Variants in PNPLA6 observed in about 807,000 individuals in gnomAD.
PNPLA6 encodes the protein patatin-like phospholipase domain-containing protein 6.
A neutral mutation model predicts 153.7 loss-of-function variants in PNPLA6; 105 were observed. That is an observed-to-expected ratio of 0.68 (90% CI 0.58 to 0.80). The LOEUF is 0.80. Ranked by LOEUF, PNPLA6 falls within the 30% of genes least tolerant of loss-of-function variation. The probability of loss-of-function intolerance (pLI) is 0.00; values close to 1 mark genes in which losing one functional copy is unlikely to be tolerated. For synonymous variants in PNPLA6, 825 were observed against 822.2 expected, an observed-to-expected ratio of 1.00 and a Z score of -0.06; for missense variants, 1,423 against 1,919.3, an observed-to-expected ratio of 0.74 and a Z score of 4.83.
intron 28 of PNPLA6, among the ~76,000 whole-genome samples, chr19:7,559,590 G>A (rs1419256338): frequency 6.6e-6 from 1 of 152,080 alleles, no homozygotes; most frequent in Non-Finnish European, 1.5e-5. Flanking sequence ...TGTAATCCCA[G>A]CACCTTGGGA....
upstream of PNPLA6, chr19:7,535,654 C>G (rs114286667): frequency 3.2e-3 from 4,927 of 1,551,408 alleles, 140 homozygotes; most frequent in African/African-American, 0.058. This position sits in a 1 kb window ranked among gnomAD's most constrained non-coding sequence, Gnocchi z 5.0. Flanking sequence ...GTGCTCAGCG[C>G]GCATTACGTG....
At chr19:7,545,901 C>A (rs1425041310) in intron 13 of PNPLA6, among the ~76,000 whole-genome samples, 2 of 134,312 alleles carry the variant, frequency 1.5e-5, no homozygotes, top group East Asian at 4.0e-4. Flanking sequence ...CAGAGTGAGA[C>A]CCTGTCTCAA....
At position 7,557,315 on chromosome 19, in the gene PNPLA6, C is replaced by A. The variant is rs770381931; in HGVS notation, c.3397+31C>A. 9.9e-6 allele frequency: 13 copies of A among 1,316,878 alleles called. No individual in the cohort carries two copies. The East Asian group carries it at 3.0e-4, about 30-fold the overall frequency. The allele number at this position is 1,316,878 out of a possible 1,614,324, so 81.6% of individuals were successfully genotyped here. A position where few individuals can be genotyped will look rare whatever the true frequency, so the allele number is the denominator to read the frequency against. On this transcript the variant is annotated intron_variant, in intron 27 of 31. Transcript: ENST00000600737. ...TGGCCGCCCGCACCACCCGCACACG[C>A]AAGCACCTCCCGCACCACACACACG...
intron 20 of PNPLA6, 132 bp from the exon 21 acceptor site, chr19:7,554,423 C>A: frequency 7.9e-7 from 1 of 1,259,226 alleles, no homozygotes; most frequent in Non-Finnish European, 1.2e-6. Context: ...GTGAATCTGC[C>A]CACCGGAGCA....
At chr19:7,535,095 G>A (rs2022782978), upstream of PNPLA6, 4 of 220,480 alleles carry the variant, frequency 1.8e-5, no homozygotes, top group Non-Finnish European at 3.8e-5. The surrounding 1 kb of genome is among the most constrained non-coding windows in gnomAD (Gnocchi z 5.0). Flanking sequence ...CGGCCTGGGG[G>A]GTGGGGTGGT....
intron 13 of PNPLA6, among the ~76,000 whole-genome samples, chr19:7,548,699 T>C (rs560369442): frequency 5.8e-5 from 6 of 103,118 alleles, no homozygotes; most frequent in Admixed American, 1.2e-4. Flanking sequence ...CCTGGGTATA[T>C]GGAACATATA....
At chr19:7,554,293 T>A (rs11667870) in intron 20 of PNPLA6, 21 bp downstream of exon 20, 16 of 1,597,810 alleles carry the variant, frequency 1.0e-5, no homozygotes, top group Non-Finnish European at 1.2e-5. Context: ...CAGAAGGGAG[T>A]GGGGAGGGTG....
chr19:7,539,712 G>T (rs910815514), intron 3 of PNPLA6, among the ~76,000 whole-genome samples: 2 of 140,854 alleles, frequency 1.4e-5, no homozygotes, highest in Non-Finnish European at 3.0e-5. Flanking sequence ...AGCCGAGATC[G>T]CACCATTGCA....
intron 18 of PNPLA6, among the ~76,000 whole-genome samples, chr19:7,552,582 T>C (rs2023698883): frequency 6.6e-6 from 1 of 151,634 alleles, no homozygotes. Flanking sequence ...GTGGTGAAAC[T>C]CATCTCTACT....
Position 7,535,749 on chromosome 19 carries a change from C to T in PNPLA6, c.-40C>T. On this transcript the variant is annotated 5_prime_UTR_variant, in exon 1 of 32. Transcript: ENST00000600737. This position sits in a 1 kb window ranked among gnomAD's most constrained non-coding sequence, Gnocchi z 5.0. The stretch of plus-strand genomic sequence containing the variant: ...GGGCCGCCGGGCCTCAGGGAAGAGT[C>T]GCGCCCCCGGGGAGGGAGCAGCACT... 1.3e-6 allele frequency: 2 copies of T among 1,518,482 alleles called. No homozygotes were observed. The highest frequency in any genetic ancestry group is 1.8e-6 in the Non-Finnish European group (2 of 1,133,220). The allele number at this position is 1,518,482 out of a possible 1,614,324, so 94.1% of individuals were successfully genotyped here. A position where few individuals can be genotyped will look rare whatever the true frequency, so the allele number is the denominator to read the frequency against.
Position 7,540,084 on chromosome 19 carries a change from T to C in PNPLA6, c.554+26T>C. The C allele has an allele frequency of 6.2e-7, 1 of 1,613,774 alleles. No individual in the cohort carries two copies. Among genetic ancestry groups the C allele is most frequent in the South Asian group, 1.1e-5 (1 of 91,070 alleles). On this transcript the variant is annotated intron_variant, in intron 4 of 31. Coordinates refer to ENST00000600737, the MANE Select transcript of PNPLA6 (RefSeq NM_001166114.2). This position sits in a 1 kb window ranked among gnomAD's most constrained non-coding sequence, Gnocchi z 6.8. ...GTCAGTGTTGGGGTGCAGGTGGGGGTGGAGGGCTGCAGACGTGGGGCCGCC... is the reference window on the plus strand; with the variant it reads ...GTCAGTGTTGGGGTGCAGGTGGGGGCGGAGGGCTGCAGACGTGGGGCCGCC...
Position 7,541,797 on chromosome 19 carries a change from G to C in PNPLA6, c.1168+113G>C. 1 of 1,277,994 alleles carries C rather than the reference G, an allele frequency of 7.8e-7. No individual in the cohort carries two copies. Among genetic ancestry groups the C allele is most frequent in the East Asian group, 2.5e-5 (1 of 39,710 alleles). 79.2% of individuals were successfully genotyped at this position (1,277,994 alleles called of 1,614,324 possible). ...CAACCTGACCTTGTCCAGCCCCACA[G>C]GGACTCCATAGCGGGGTACCCAGGT... On this transcript the variant is annotated intron_variant, in intron 9 of 31. Transcript: ENST00000600737. The surrounding 1 kb of genome is among the most constrained non-coding windows in gnomAD (Gnocchi z 5.2).
At chr19:7,553,114 G>A (rs765342217) in intron 18 of PNPLA6, among the ~76,000 whole-genome samples, 5 of 152,248 alleles carry the variant, frequency 3.3e-5, no homozygotes, top group Admixed American at 1.3e-4. Flanking sequence ...AGATTGGGGA[G>A]GAAGGATTCC....
In PNPLA6 at chr19:7,535,906, G is replaced by C. The variant is rs1376976303; in HGVS notation, c.118G>C (p.Ala40Pro). The change falls in exon 1 of 32, where the codon GCG becomes CCG. Residue 40 changes from alanine to proline, a missense_variant. Physicochemically the swap from Ala to Pro is conservative, Grantham distance 27 (BLOSUM62 -1). Coordinates refer to ENST00000600737, the MANE Select transcript of PNPLA6 (RefSeq NM_001166114.2). The surrounding 1 kb of genome is among the most constrained non-coding windows in gnomAD (Gnocchi z 5.0). ...GEGSAGRICGAQPVPFVPQVL... is the reference protein window; with the variant it reads ...GEGSAGRICGPQPVPFVPQVL... ...AGGCTCGGCGGGACGGATTTGCGGT[G>C]CGCAGCCAGTGCCGTTCGTCCCTCA... is the stretch of plus-strand genomic sequence containing the variant. 6.4e-7 allele frequency: 1 copy of C among 1,557,390 alleles called. No homozygotes were observed.
At position 7,541,663 on chromosome 19, in the gene PNPLA6, G is replaced by C. The variant is rs774683671; in HGVS notation, c.1147G>C (p.Ala383Pro). Reference sequence around the variant, plus strand: ...AGGGCGGCCACCCGATCCCACCGGGGCCCCGCTGCCTGGACCTACAGGTAC... The same window carrying C: ...AGGGCGGCCACCCGATCCCACCGGGCCCCCGCTGCCTGGACCTACAGGTAC... ...TPGRPPDPTGAPLPGPTGDPV... is the reference protein window; with the variant it reads ...TPGRPPDPTGPPLPGPTGDPV... The change falls in exon 9 of 32, where the codon GCC (alanine) becomes CCC (proline). Residue 383 changes from alanine to proline, a missense_variant. Physicochemically the swap from Ala to Pro is conservative, Grantham distance 27 (BLOSUM62 -1). Around this residue, in one of 10 missense-constraint regions of PNPLA6, gnomAD observed 267 missense variants for 255.1 expected, o/e 1.05. Transcript: ENST00000600737. This position sits in a 1 kb window ranked among gnomAD's most constrained non-coding sequence, Gnocchi z 5.2. 6.4e-7 allele frequency: 1 copy of C among 1,574,722 alleles called. No individual in the cohort carries two copies. Among genetic ancestry groups the C allele is most frequent in the Admixed American group, 1.8e-5 (1 of 54,572 alleles).
At position 7,554,050 on chromosome 19, in the gene PNPLA6, G is replaced by T; in HGVS notation, c.2401+35G>T. 8 of 1,603,838 alleles carry T rather than the reference G, an allele frequency of 5.0e-6. No homozygotes were observed. In the African/African-American group the frequency reaches 1.1e-4, roughly 22 times the overall value. ...GTGAGGGTCATGGGTGGGGGCTGGC[G>T]GTGGGTGGGACATTAGTGAGTGAGA... is the stretch of plus-strand genomic sequence containing the variant. On this transcript the variant is annotated intron_variant, in intron 19 of 31. Transcript: ENST00000600737.
At chr19:7,559,335 G>C (rs1400058882) in intron 28 of PNPLA6, among the ~76,000 whole-genome samples, 184 bp downstream of exon 28, 8 of 152,194 alleles carry the variant, frequency 5.3e-5, no homozygotes, top group Non-Finnish European at 1.5e-5. Flanking sequence ...GGGTGTGGCT[G>C]TGCATGTGCT....
chr19:7,545,399 G>A (rs986075595), intron 13 of PNPLA6, among the ~76,000 whole-genome samples: 2 of 152,162 alleles, frequency 1.3e-5, no homozygotes, highest in African/African-American at 2.4e-5. Context: ...TCACCCAGGG[G>A]TCCCTGCAGT....
chr19:7,556,987 G>T, intron 26 of PNPLA6, 181 bp from the exon 27 acceptor site: 1 of 734,280 alleles, frequency 1.4e-6, no homozygotes, highest in Non-Finnish European at 2.5e-6. Flanking sequence ...CGTTACGTCC[G>T]GGCCAGCGCC....
Sources: allele counts gnomAD v4.1 joint callset (sites outside exome capture counted in the v4.1 genomes callset), GRCh38; gene constraint gnomAD v4.1.1; regional missense constraint gnomAD v4.1.1; non-coding constraint Gnocchi (gnomAD v3.1); transcripts MANE v1.5; gene names NCBI Gene and HGNC (gene_info 2026-07-23, HGNC 2026-07-21).